The following CAPN13 variants were observed in gnomAD, a reference collection of about 807,000 sequenced individuals.
CAPN13 encodes calpain-13.
Under a neutral mutation model 98.4 loss-of-function variants are expected in CAPN13, and 90 were observed. The observed-to-expected ratio is 0.92, with a 90% CI of 0.77 to 1.09. The LOEUF (loss-of-function observed/expected upper bound fraction) is 1.09, where lower values mean the gene tolerates loss of function less well. CAPN13 is among the 50% of genes least tolerant of loss of function. The probability of loss-of-function intolerance (pLI) is 0.00; values close to 1 mark genes in which losing one functional copy is unlikely to be tolerated. For synonymous variants in CAPN13, 330 were observed against 305.5 expected (o/e 1.08, Z -0.84); for missense variants, 887 against 841.3 (o/e 1.05, Z -0.67).
At position 30,754,333 on chromosome 2, in the gene CAPN13, G is replaced by A. The variant is rs565060477; in HGVS notation, c.898C>T (p.Arg300Trp). Reference protein sequence around the residue: ...SQEWEETCDPRKSQLHKKRED... With the variant: ...SQEWEETCDPWKSQLHKKRED... ...CGTTTCTTATGTAGCTGGCTTTTCC[G>A]CGGATCACAGGTTTCCTCCCACTCC... Residue 300 changes from arginine (R) to tryptophan (W), a missense_variant, in exon 9 of 23, where the codon CGG becomes TGG. Arg to Trp is a moderately radical substitution (Grantham distance 101). Transcript: ENST00000295055. 36 of 1,605,862 alleles carry A rather than the reference G, an allele frequency of 2.2e-5. No individual in the cohort carries two copies. In the Middle Eastern group the frequency reaches 1.2e-3, roughly 52 times the overall value.
chr2:30,783,203 C>T (rs6749594), intron 2 of CAPN13, among the ~76,000 whole-genome samples: 15,180 of 152,192 alleles, frequency 0.1, 1,434 homozygotes, highest in East Asian at 0.43. Context: ...AAAAGGGGTC[C>T]ACTCTAAGTA....
At position 30,737,299 on chromosome 2, in the gene CAPN13, T is replaced by C. The variant is rs149957645; in HGVS notation, c.1654-728A>G. The C allele has an allele frequency of 3.8e-3, 573 of 152,512 alleles. 3 individuals are homozygous for C. Among genetic ancestry groups the C allele is most frequent in the Non-Finnish European group, 5.4e-3 (367 of 68,212 alleles). The allele number at this position is 152,512 out of a possible 1,614,324, so 9.4% of individuals were successfully genotyped here. A position where few individuals can be genotyped will look rare whatever the true frequency, so the allele number is the denominator to read the frequency against. On this transcript the variant is annotated intron_variant, in intron 17 of 22. Coordinates refer to ENST00000295055, the MANE Select transcript of CAPN13 (RefSeq NM_144575.3). The stretch of plus-strand genomic sequence containing the variant: ...TCAAAAAAGCCCTCTTGTTTCACAA[T>C]GGCCGGCTTCACAGTCCCAATTCAG...
chr2:30,791,258 C>A (rs976909717), intron 1 of CAPN13, among the ~76,000 whole-genome samples: 2 of 152,106 alleles, frequency 1.3e-5, no homozygotes, highest in East Asian at 3.9e-4. Flanking sequence ...TTTGAATTAA[C>A]GGAAAAATGA....
At chr2:30,765,094 G>C (rs1012063672) in intron 5 of CAPN13, among the ~76,000 whole-genome samples, 2 of 152,176 alleles carry the variant, frequency 1.3e-5, no homozygotes, top group African/African-American at 4.8e-5. Context: ...CTGTTTCTGG[G>C]AGATGGGCAG....
intron 1 of CAPN13, 137 bp from the exon 2 acceptor site, chr2:30,787,494 A>G: frequency 1.7e-6 from 1 of 589,840 alleles, no homozygotes; most frequent in Non-Finnish European, 2.8e-6. Flanking sequence ...CCCTGGTGGC[A>G]CAGTCAGTGA....
intron 18 of CAPN13, among the ~76,000 whole-genome samples, chr2:30,735,354 A>T (rs977942839): frequency 1.3e-5 from 2 of 152,212 alleles, no homozygotes; most frequent in East Asian, 3.9e-4. Flanking sequence ...CTCCAAAGCA[A>T]AGTACCCACA....
At chr2:30,764,082 C>A in intron 6 of CAPN13, 50 bp downstream of exon 6, 1 of 1,521,242 alleles carries the variant, frequency 6.6e-7, no homozygotes, top group Non-Finnish European at 8.9e-7. Context: ...CTGAGCATTC[C>A]TGGCTGAGGA....
chr2:30,733,849 C>G (rs569990697), intron 19 of CAPN13, among the ~76,000 whole-genome samples: 1 of 152,264 alleles, frequency 6.6e-6, no homozygotes, highest in African/African-American at 2.4e-5. Context: ...CCCATTTTCC[C>G]CATTGGGACA....
intron 1 of CAPN13, among the ~76,000 whole-genome samples, chr2:30,801,839 C>T (rs1052623514): frequency 1.1e-4 from 16 of 152,046 alleles, no homozygotes; most frequent in Admixed American, 6.5e-4. Flanking sequence ...GGGATTCTCA[C>T]GCCAGCCCAG....
chr2:30,758,818 TC>T (rs1318246585), intron 7 of CAPN13, among the ~76,000 whole-genome samples: 3,205 of 84,506 alleles, frequency 0.038, 107 homozygotes, highest in East Asian at 0.19. Context: ...CTTCCCTTCC[TC>T]CCTTCCTTCC....
At chr2:30,793,219 G>A (rs76375584) in intron 1 of CAPN13, among the ~76,000 whole-genome samples, 2 of 151,650 alleles carry the variant, frequency 1.3e-5, no homozygotes, top group Admixed American at 6.6e-5. Context: ...TATTTTGATG[G>A]TAGGAAATCT....
At chr2:30,780,097 C>G (rs7603877) in intron 2 of CAPN13, among the ~76,000 whole-genome samples, 45,898 of 151,944 alleles carry the variant, frequency 0.3, 7,724 homozygotes, top group Non-Finnish European at 0.39. Context: ...AGTAAATAAG[C>G]TGAAAAGACT....
chr2:30,760,730 C>T (rs895663061), intron 7 of CAPN13, among the ~76,000 whole-genome samples: 34 of 152,316 alleles, frequency 2.2e-4, no homozygotes, highest in African/African-American at 7.7e-4. Flanking sequence ...TTCGTGAGCC[C>T]TTGTGTCCCT....
At chr2:30,781,976 C>A (rs918474845) in intron 2 of CAPN13, among the ~76,000 whole-genome samples, 1 of 152,152 alleles carries the variant, frequency 6.6e-6, no homozygotes, top group African/African-American at 2.4e-5. Flanking sequence ...CAGCAATAGT[C>A]AAGCTAAGTA....
At chr2:30,758,197 G>T in intron 7 of CAPN13, 60 bp from the exon 8 acceptor site, 1 of 1,271,460 alleles carries the variant, frequency 7.9e-7, no homozygotes, top group South Asian at 1.4e-5. Context: ...CAGAAAGGGG[G>T]ATGAATGCAG....
intron 20 of CAPN13, among the ~76,000 whole-genome samples, chr2:30,732,159 A>G (rs1204605947): frequency 1.3e-5 from 2 of 152,192 alleles, no homozygotes; most frequent in Admixed American, 1.3e-4. Flanking sequence ...TGATAAACAC[A>G]ACCTGGAGAC....
At chr2:30,740,352 C>T (rs976942886) in intron 15 of CAPN13, among the ~76,000 whole-genome samples, 1 of 152,192 alleles carries the variant, frequency 6.6e-6, no homozygotes, top group African/African-American at 2.4e-5. Flanking sequence ...CTTGGCCTGC[C>T]AAAGTGCTGG....
intron 15 of CAPN13, 30 bp downstream of exon 15, chr2:30,741,878 C>T (rs749375074): frequency 4.6e-5 from 75 of 1,613,814 alleles, no homozygotes; most frequent in East Asian, 2.2e-4. Context: ...TCCAATCCCA[C>T]GTAAGGCCCC....
intron 22 of CAPN13, among the ~76,000 whole-genome samples, chr2:30,727,550 C>G (rs1670900480): frequency 6.6e-6 from 1 of 152,096 alleles, no homozygotes; most frequent in African/African-American, 2.4e-5. Flanking sequence ...CCCACAAGCA[C>G]TGAAAAGATG....
Sources: allele counts gnomAD v4.1 joint callset (sites outside exome capture counted in the v4.1 genomes callset), GRCh38; gene constraint gnomAD v4.1.1; transcripts MANE v1.5; gene names NCBI Gene and HGNC (gene_info 2026-07-23, HGNC 2026-07-21).